The following CFAP410 variants were observed in gnomAD, a reference collection of about 807,000 sequenced individuals.
CFAP410 encodes cilia and flagella associated protein 410.
CFAP410 carries 27 observed loss-of-function variants against 25.7 expected under a neutral mutation model. That is an observed-to-expected ratio of 1.05 (90% CI 0.77 to 1.45). The LOEUF is 1.45. CFAP410 is among the 40% of genes most tolerant of loss of function. The pLI is 0.00. For missense variants in CFAP410, 428 were observed against 354.1 expected (o/e 1.21, Z -1.67); for synonymous variants, 178 against 158.4 (o/e 1.12, Z -0.93).
intron 2 of CFAP410, among the ~76,000 whole-genome samples, chr21:44,337,083 T>TA (rs35988245): frequency 0.02 from 2,403 of 121,822 alleles, 50 homozygotes; most frequent in African/African-American, 0.06. Flanking sequence ...AGACTCCGTG[T>TA]AAAAAAAAAA....
intron 6 of CFAP410, 29 bp from the exon 7 acceptor site, chr21:44,330,355 C>T: frequency 6.3e-7 from 1 of 1,598,036 alleles, no homozygotes; most frequent in Middle Eastern, 1.7e-4. Flanking sequence ...GGACTAAGCC[C>T]ACCCGGCACG....
chr21:44,338,105 G>A, intron 1 of CFAP410: 2 of 364,644 alleles, frequency 5.5e-6, no homozygotes, highest in East Asian at 9.1e-5. Flanking sequence ...AGCTTAGTGG[G>A]AGTACTGACC....
At chr21:44,338,014 A>G (rs895907672) in intron 1 of CFAP410, among the ~76,000 whole-genome samples, 2 of 152,224 alleles carry the variant, frequency 1.3e-5, no homozygotes, top group African/African-American at 4.8e-5. Flanking sequence ...GGGCGTCTTT[A>G]TAAGAGGTCA....
At chr21:44,331,139 C>A in intron 5 of CFAP410, 3 of 585,674 alleles carry the variant, frequency 5.1e-6, no homozygotes, top group Non-Finnish European at 6.0e-6. Flanking sequence ...GGGGCGCCCT[C>A]CCGGCACCCT....
intron 3 of CFAP410, 94 bp downstream of exon 3, chr21:44,335,664 G>C (rs1338672066): frequency 5.1e-6 from 5 of 986,144 alleles, no homozygotes; most frequent in Non-Finnish European, 6.2e-6. Flanking sequence ...GAGGTTTCCA[G>C]GTTATGTCAC....
In CFAP410 at chr21:44,330,218, C is replaced by T. The variant is rs764440766; in HGVS notation, c.751G>A (p.Val251Met). The change falls in exon 7 of 7, where the codon GTG becomes ATG. Residue 251 changes from valine to methionine, a missense_variant. Val to Met is a conservative substitution (Grantham distance 21). Transcript: ENST00000339818. The stretch of plus-strand genomic sequence containing the variant: ...TGCGGTCACTCGGCGTGCTCCTGCA[C>T]CTCTTCCCCACGCAGGGCCTGCAGC... The part of the protein sequence containing the change: ...SRLQALRGEE[V>M]QEHAE The T allele has an allele frequency of 1.3e-6, 2 of 1,577,994 alleles. No homozygotes were observed. Among genetic ancestry groups the T allele is most frequent in the South Asian group, 1.1e-5 (1 of 87,072 alleles).
intron 2 of CFAP410, among the ~76,000 whole-genome samples, chr21:44,336,498 G>A (rs910591772): frequency 1.3e-5 from 2 of 152,108 alleles, no homozygotes; most frequent in Non-Finnish European, 1.5e-5. Context: ...GTCAATTCAG[G>A]GGTGAGGTGC....
chr21:44,331,876 C>G lies in CFAP410; in HGVS notation c.512G>C (p.Gly171Ala), dbSNP rs2047654386. 1 of 1,612,332 alleles carries G rather than the reference C, an allele frequency of 6.2e-7. No individual in the cohort carries two copies. The highest frequency in any genetic ancestry group is 8.5e-7 in the Non-Finnish European group (1 of 1,179,766). Residue 171 changes from glycine to alanine, a missense_variant, in exon 5 of 7, where the codon GGC becomes GCC. Transcript: ENST00000339818. The stretch of plus-strand genomic sequence containing the variant: ...CTCCTCGCTGTCCAGCGGGTCCCGG[C>G]CAGTCTCAGCAGCGGAGCTGAGGGA... ...LSSLSSAAET[G>A]RDPLDSEEEA...
At chr21:44,332,834 T>C (rs2047676811) in intron 4 of CFAP410, 199 bp downstream of exon 4, 1 of 597,148 alleles carries the variant, frequency 1.7e-6, no homozygotes, top group Admixed American at 3.0e-5. Flanking sequence ...GACCCTACGC[T>C]GCGCTGCTGC....
intron 5 of CFAP410, 71 bp from the exon 6 acceptor site, chr21:44,330,990 C>T: frequency 7.5e-7 from 1 of 1,340,980 alleles, no homozygotes; most frequent in Non-Finnish European, 1.0e-6. Flanking sequence ...CAAACCCTGT[C>T]TGCGGGTCGC....
chr21:44,336,546 C>T (rs777404216), intron 2 of CFAP410, among the ~76,000 whole-genome samples: 2 of 152,170 alleles, frequency 1.3e-5, no homozygotes, highest in Non-Finnish European at 2.9e-5. Flanking sequence ...CTGCAAAGCT[C>T]CCACATATGT....
intron 6 of CFAP410, 26 bp downstream of exon 6, chr21:44,330,797 G>A (rs777749209): frequency 8.3e-6 from 13 of 1,566,986 alleles, no homozygotes; most frequent in Admixed American, 5.6e-5. Context: ...AGAGGCAGCC[G>A]CGGCCCCTAG....
rs376509584 is a variant in CFAP410, at chr21:44,338,241, A to T, written c.78-574T>A. On this transcript the variant is annotated intron_variant, in intron 1 of 6. Transcript: ENST00000339818. Reference sequence around the variant, plus strand: ...TAACAGGGAAGAGCTCACTCTGGGCAGTCTGCGGACACCCCTGGGAGGAAG... The same window carrying T: ...TAACAGGGAAGAGCTCACTCTGGGCTGTCTGCGGACACCCCTGGGAGGAAG... 38 of 1,252,920 alleles carry T rather than the reference A, an allele frequency of 3.0e-5. No homozygotes were observed. In the East Asian group the frequency reaches 6.6e-4, roughly 22 times the overall value. The allele number at this position is 1,252,920 out of a possible 1,614,324, so 77.6% of individuals were successfully genotyped here.
In CFAP410 at chr21:44,330,249, G is replaced by A. The variant is rs747760478; in HGVS notation, c.720C>T (p.Gly240=). The stretch of plus-strand genomic sequence containing the variant: ...CCCCACGCAGGGCCTGCAGCCGGCT[G>A]CCCACAGTCTGCTGCACGGCCTCCA... ...EGLEAVQQTV[G]SRLQALRGEE... is the part of the protein sequence containing the mutation. The change falls in exon 7 of 7, where the codon GGC becomes GGT. Residue 240 remains glycine, a synonymous_variant. Coordinates refer to ENST00000339818, the MANE Select transcript of CFAP410 (RefSeq NM_004928.3). The A allele has an allele frequency of 6.3e-7, 1 of 1,598,470 alleles. No individual in the cohort carries two copies. Among genetic ancestry groups the A allele is most frequent in the Non-Finnish European group, 8.5e-7 (1 of 1,174,480 alleles).
At chr21:44,335,505 C>T (rs139118601) in intron 3 of CFAP410, 25 of 572,458 alleles carry the variant, frequency 4.4e-5, no homozygotes, top group African/African-American at 2.3e-4. Flanking sequence ...GGTGGGCAGG[C>T]GTACAGCAGG....
intron 6 of CFAP410, chr21:44,330,562 G>C (rs748118167): frequency 5.8e-6 from 9 of 1,549,378 alleles, no homozygotes; most frequent in Non-Finnish European, 5.2e-6. Context: ...AGCAGGGCCC[G>C]GGCCCACATT....
At chr21:44,334,497 A>C (rs1602083458) in intron 3 of CFAP410, 23 of 159,420 alleles carry the variant, frequency 1.4e-4, no homozygotes, top group South Asian at 3.5e-4. Context: ...CCCCCCCTCA[A>C]CCTCTGGGCG....
At position 44,339,195 on chromosome 21, in the gene CFAP410, G is replaced by A; in HGVS notation, c.-1C>T. The A allele has an allele frequency of 6.8e-7, 1 of 1,462,782 alleles. No homozygotes were observed. The highest frequency in any genetic ancestry group is 9.1e-7 in the Non-Finnish European group (1 of 1,102,892). The allele number at this position is 1,462,782 out of a possible 1,614,324, so 90.6% of individuals were successfully genotyped here. ...GAACCATCTTCCGCGTCAGCTTCAT[G>A]GCGGCCGCCCAGGCCCGACCGGCGG... is the stretch of plus-strand genomic sequence containing the variant. On this transcript the variant is annotated 5_prime_UTR_variant, in exon 1 of 7. Transcript: ENST00000339818.
chr21:44,330,284 C>CGGG lies in CFAP410; in HGVS notation c.684_685insCCC (p.Asp228_Ala229insPro), dbSNP rs1309737106. 1.2e-6 allele frequency: 2 copies of CGGG among 1,609,214 alleles called. No homozygotes were observed. Among genetic ancestry groups the CGGG allele is most frequent in the Non-Finnish European group, 1.7e-6 (2 of 1,178,808 alleles). On this transcript the variant is annotated inframe_insertion, in exon 7 of 7. Coordinates refer to ENST00000339818, the MANE Select transcript of CFAP410 (RefSeq NM_004928.3). ...TGCTGCACGGCCTCCAGCCCCTCTG[C>CGGG]ATCCAGCTCCCGCAGCAGCAGCAGG...
Sources: allele counts gnomAD v4.1 joint callset (sites outside exome capture counted in the v4.1 genomes callset), GRCh38; gene constraint gnomAD v4.1.1; transcripts MANE v1.5; gene names NCBI Gene and HGNC (gene_info 2026-07-23, HGNC 2026-07-21).